Variants in NPHP1 observed in about 807,000 individuals in gnomAD.
The protein encoded by NPHP1 is nephrocystin 1.
Under a neutral mutation model 90.4 loss-of-function variants are expected in NPHP1, and 70 were observed. The observed-to-expected ratio is 0.77, with a 90% confidence interval of 0.64 to 0.95. NPHP1 has a LOEUF of 0.95. Ranked by LOEUF, NPHP1 falls within the 40% of genes least tolerant of loss-of-function variation. The pLI is 0.00. For synonymous variants in NPHP1, 256 were observed against 271.7 expected, an observed-to-expected ratio of 0.94 and a Z score of 0.57; for missense variants, 764 against 795.9, an observed-to-expected ratio of 0.96 and a Z score of 0.48.
Position 110,146,751 on chromosome 2 carries a change from A to G in NPHP1, c.1352+2T>C. 6.2e-7 allele frequency: 1 copy of G among 1,605,678 alleles called. No individual in the cohort carries two copies. The highest frequency in any genetic ancestry group is 8.5e-7 in the Non-Finnish European group (1 of 1,172,254). ...TTCGTTAGGAATATATAGCCAACTT[A>G]CTTTGCTGGAATAGGAACTCCACTG... On this transcript the variant is annotated splice_donor_variant, in intron 14 of 19. Transcript: ENST00000445609. LOFTEE classifies it high-confidence loss of function.
intron 16 of NPHP1, among the ~76,000 whole-genome samples, chr2:110,137,735 A>C (rs1290311876): frequency 6.6e-6 from 1 of 151,300 alleles, no homozygotes; most frequent in Non-Finnish European, 1.5e-5. Flanking sequence ...TGGGACTGTA[A>C]ACTAGTTCAA....
At chr2:110,138,969 C>T (rs114288991) in intron 16 of NPHP1, among the ~76,000 whole-genome samples, 2,187 of 151,960 alleles carry the variant, frequency 0.014, 50 homozygotes, top group African/African-American at 0.047. Flanking sequence ...AAACTTAAGA[C>T]GAATAGAAAG....
rs10174448 is a variant in NPHP1, at chr2:110,160,050, A to C, written c.1083+77T>G. ...AATACTCTCTTGGGAATTGGGGAGG[A>C]GTTGAATGGAAAAGAATCTAAGGGA... On this transcript the variant is annotated intron_variant, in intron 11 of 19. Transcript: ENST00000445609. The C allele has an allele frequency of 0.044, 63,146 of 1,450,604 alleles. 1,830 individuals carry two copies. The highest frequency in any genetic ancestry group is 0.12 in the African/African-American group (8,946 of 71,724). 89.9% of individuals were successfully genotyped at this position (1,450,604 alleles called of 1,614,324 possible). A position where few individuals can be genotyped will look rare whatever the true frequency, so the allele number is the denominator to read the frequency against.
At chr2:110,197,610 G>T (rs1002888640) in intron 2 of NPHP1, among the ~76,000 whole-genome samples, 3 of 152,116 alleles carry the variant, frequency 2.0e-5, no homozygotes, top group African/African-American at 4.8e-5. Context: ...TCTGCTCTTA[G>T]ATACTGAGGG....
At chr2:110,162,226 T>C (rs1377453120) in intron 9 of NPHP1, among the ~76,000 whole-genome samples, 1 of 152,134 alleles carries the variant, frequency 6.6e-6, no homozygotes, top group African/African-American at 2.4e-5. Flanking sequence ...CTCCATAGTT[T>C]ACAGTTGAAT....
chr2:110,158,530 C>T lies in NPHP1; in HGVS notation c.1083+1597G>A, dbSNP rs373206084. On this transcript the variant is annotated intron_variant, in intron 11 of 19. Transcript: ENST00000445609. ...ATGTACCCACTTAGGATTACTATGT[C>T]TTCTTGGTGAACGATCTCTTTTATC... Among the ~76,000 whole-genome samples the T allele has an allele frequency of 1.3e-4, 20 of 152,094 alleles. No homozygotes were observed. The East Asian group carries it at 3.5e-3, about 26-fold the overall frequency.
At chr2:110,149,696 T>C (rs1482692447) in intron 12 of NPHP1, among the ~76,000 whole-genome samples, 1 of 152,140 alleles carries the variant, frequency 6.6e-6, no homozygotes, top group African/African-American at 2.4e-5. Flanking sequence ...AAATAAAATA[T>C]GGACAATTGA....
At chr2:110,141,649 A>G (rs79311541) in intron 16 of NPHP1, among the ~76,000 whole-genome samples, 3,463 of 152,220 alleles carry the variant, frequency 0.023, 51 homozygotes, top group Non-Finnish European at 0.038. Context: ...ATTGCTAATG[A>G]GAGTGCAAAG....
At chr2:110,161,311 C>A (rs1682307289) in intron 10 of NPHP1, among the ~76,000 whole-genome samples, 1 of 152,124 alleles carries the variant, frequency 6.6e-6, no homozygotes, top group South Asian at 2.1e-4. Context: ...ATTACTATTA[C>A]TCCATCTTTA....
rs1410802301 is a variant in NPHP1 at position 110,124,031 on chromosome 2, G to A, written c.1794C>T (p.Leu598=). 6.2e-7 allele frequency: 1 copy of A among 1,614,114 alleles called. No individual in the cohort carries two copies. Reference sequence around the variant, plus strand: ...GGAGCACGCAGTCATGGTAAACCAGGAGAAACGTGGACTTCAGGAACTCTT... The same window carrying A: ...GGAGCACGCAGTCATGGTAAACCAGAAGAAACGTGGACTTCAGGAACTCTT... ...RDKEFLKSTF[L]LVYHDCVLPL... The change falls in exon 20 of 20, where the codon CTC becomes CTT. Residue 598 remains leucine (L), a synonymous_variant. Coordinates refer to ENST00000445609, the MANE Select transcript of NPHP1 (RefSeq NM_001128178.3).
intron 3 of NPHP1, 93 bp downstream of exon 3, chr2:110,179,531 C>G: frequency 1.5e-6 from 1 of 683,300 alleles, no homozygotes; most frequent in Non-Finnish European, 2.6e-6. Flanking sequence ...TAACGTAAAC[C>G]CAGGAACTTA....
At chr2:110,143,840 C>T (rs951167752) in intron 15 of NPHP1, 199 bp from the exon 16 acceptor site, 3 of 562,354 alleles carry the variant, frequency 5.3e-6, no homozygotes, top group Admixed American at 3.0e-5. Flanking sequence ...TGAGTTACAG[C>T]ATTATTGCTG....
At chr2:110,131,006 T>C (rs1385335453) in intron 17 of NPHP1, among the ~76,000 whole-genome samples, 1 of 152,156 alleles carries the variant, frequency 6.6e-6, no homozygotes, top group Non-Finnish European at 1.5e-5. Context: ...ATCTGGCACA[T>C]ACCAGGTACT....
intron 2 of NPHP1, among the ~76,000 whole-genome samples, chr2:110,186,778 C>G (rs1485105122): frequency 2.0e-5 from 3 of 152,064 alleles, no homozygotes; most frequent in African/African-American, 4.8e-5. Flanking sequence ...CACAGCCTTG[C>G]ACAAACCACA....
intron 11 of NPHP1, among the ~76,000 whole-genome samples, chr2:110,157,630 T>C (rs1481595183): frequency 6.6e-6 from 1 of 152,106 alleles, no homozygotes; most frequent in Non-Finnish European, 1.5e-5. Context: ...GTGTCATGCC[T>C]ATACCCCACT....
intron 2 of NPHP1, chr2:110,184,504 C>T (rs1684143455): frequency 4.6e-6 from 5 of 1,079,264 alleles, no homozygotes; most frequent in South Asian, 1.4e-5. Context: ...CTTTATGCCA[C>T]AGGCAGGACC....
chr2:110,182,533 G>A (rs1037151076), intron 2 of NPHP1, among the ~76,000 whole-genome samples: 10 of 151,898 alleles, frequency 6.6e-5, no homozygotes, highest in African/African-American at 9.7e-5. Context: ...TTTCAAATCC[G>A]GCCAAACTAA....
chr2:110,168,682 G>A, intron 5 of NPHP1, 129 bp from the exon 6 acceptor site: 1 of 678,770 alleles, frequency 1.5e-6, no homozygotes, highest in South Asian at 1.8e-5. Context: ...TTTATCCTAA[G>A]GTTTATCAAA....
intron 2 of NPHP1, among the ~76,000 whole-genome samples, chr2:110,194,234 G>C (rs981682221): frequency 1.3e-5 from 2 of 151,940 alleles, no homozygotes; most frequent in African/African-American, 2.4e-5. Context: ...TTTTTGAAAA[G>C]ATCAACAAAA....
Sources: allele counts gnomAD v4.1 joint callset (sites outside exome capture counted in the v4.1 genomes callset), GRCh38; gene constraint gnomAD v4.1.1; transcripts MANE v1.5; gene names NCBI Gene and HGNC (gene_info 2026-07-23, HGNC 2026-07-21).